Variants in BCAR3 observed in about 807,000 individuals in gnomAD.
BCAR3 encodes BCAR3 adaptor protein, NSP family member, also known as breast cancer anti-estrogen resistance protein 3.
BCAR3 carries 37 observed loss-of-function variants against 80.1 expected under a neutral mutation model. That is an observed-to-expected ratio of 0.46 (90% CI 0.36 to 0.61). The LOEUF (loss-of-function observed/expected upper bound fraction) is 0.61. Ranked by LOEUF, BCAR3 falls within the 20% of genes least tolerant of loss-of-function variation. The pLI is 0.00. For synonymous variants in BCAR3, 389 were observed against 418.9 expected (o/e 0.93, Z 0.87); for missense variants, 978 against 1,068.2 (o/e 0.92, Z 1.18).
intron 3 of BCAR3, among the ~76,000 whole-genome samples, chr1:93,692,994 ACATTGAAGGTTCACAGG>A (rs965401008): frequency 1.3e-5 from 2 of 152,186 alleles, no homozygotes; most frequent in African/African-American, 4.8e-5. Flanking sequence ...GCAGGAACCC[ACATTGAAGGTTCACAGG>A]TGTGTCCTAG....
intron 2 of BCAR3, among the ~76,000 whole-genome samples, chr1:93,643,576 A>G (rs1676062091): frequency 6.9e-6 from 1 of 145,590 alleles, no homozygotes; most frequent in Non-Finnish European, 1.5e-5. Context: ...AAAAAAAAAG[A>G]AATTTTTTTA....
intron 2 of BCAR3, among the ~76,000 whole-genome samples, chr1:93,820,785 C>G (rs887149843): frequency 1.3e-5 from 2 of 152,134 alleles, no homozygotes; most frequent in Non-Finnish European, 2.9e-5. Context: ...AGAGGTCAGA[C>G]GATGGGGCTG....
chr1:93,844,771 C>G (rs983842629), intron 2 of BCAR3, among the ~76,000 whole-genome samples: 1 of 149,710 alleles, frequency 6.7e-6, no homozygotes, highest in Non-Finnish European at 1.5e-5. Flanking sequence ...TGCAGTGGCG[C>G]GATCATAGCT....
intron 2 of BCAR3, among the ~76,000 whole-genome samples, chr1:93,752,528 A>T (rs1651594091): frequency 6.6e-6 from 1 of 152,254 alleles, no homozygotes; most frequent in Non-Finnish European, 1.5e-5. Context: ...TGTTATCAAT[A>T]ATAGGAAGTA....
At chr1:93,648,805 C>T (rs1399710102) in intron 2 of BCAR3, 1 of 152,528 alleles carries the variant, frequency 6.6e-6, no homozygotes, top group South Asian at 2.1e-4. Context: ...GCCAGTGGGT[C>T]TTGGTCCAAC....
At chr1:93,607,724 G>A (rs954456976) in intron 3 of BCAR3, among the ~76,000 whole-genome samples, 1 of 152,058 alleles carries the variant, frequency 6.6e-6, no homozygotes, top group Non-Finnish European at 1.5e-5. Context: ...TCCCTCTCCT[G>A]TGCCTTTTGT....
chr1:93,589,811 G>A (rs965957228), intron 4 of BCAR3, among the ~76,000 whole-genome samples: 2 of 152,208 alleles, frequency 1.3e-5, no homozygotes, highest in South Asian at 2.1e-4. Flanking sequence ...CCGGGGAGGG[G>A]ATGAGGGCTG....
At chr1:93,742,662 C>A (rs1651216720) in intron 2 of BCAR3, among the ~76,000 whole-genome samples, 1 of 152,188 alleles carries the variant, frequency 6.6e-6, no homozygotes, top group African/African-American at 2.4e-5. Flanking sequence ...CTTTCCCATG[C>A]TGAATTAGTC....
chr1:93,660,053 C>CGTGTGTGTGTGT (rs76729025), intron 2 of BCAR3, among the ~76,000 whole-genome samples: 6 of 147,236 alleles, frequency 4.1e-5, no homozygotes, highest in African/African-American at 1.5e-4. Context: ...AATAAATGAA[C>CGTGTGTGTGTGT]GTGTGTGTGT....
Position 93,591,272 on chromosome 1 carries a change from C to T in BCAR3, c.486+993G>A, listed in dbSNP as rs542521840. On this transcript the variant is annotated intron_variant, in intron 4 of 11. Transcript: ENST00000260502. ...GGTGGATCACTTGAGGGCAGGAGTT[C>T]GAGACCAGCCTGGCCAACATGGTGA... 5.4e-5 allele frequency among the ~76,000 whole-genome samples: 8 copies of T among 149,088 alleles called. No individual in the cohort carries two copies. The South Asian group carries it at 1.5e-3, about 28-fold the overall frequency.
chr1:93,760,903 A>C (rs1651921959), intron 2 of BCAR3, among the ~76,000 whole-genome samples: 1 of 152,138 alleles, frequency 6.6e-6, no homozygotes, highest in Non-Finnish European at 1.5e-5. Context: ...ATTTCATGGC[A>C]CCTTTGAGGC....
At chr1:93,582,242 C>A (rs1557843128) in intron 7 of BCAR3, 59 bp downstream of exon 7, 1 of 1,562,932 alleles carries the variant, frequency 6.4e-7, no homozygotes, top group Non-Finnish European at 8.7e-7. Context: ...AGCACCGGGA[C>A]CCCTAGCTCT....
intron 2 of BCAR3, among the ~76,000 whole-genome samples, chr1:93,653,186 T>G (rs1647208905): frequency 6.6e-6 from 1 of 152,276 alleles, no homozygotes; most frequent in Admixed American, 6.5e-5. Flanking sequence ...GTTTACTTCT[T>G]TAATTATTGA....
chr1:93,585,543 T>C lies in BCAR3; in HGVS notation c.930-1422A>G, dbSNP rs1025606066. ...CTTCCCTGCAGCAGTGGTTCTGTTA[T>C]CCTGCCGAATACACTCCCACTCTGT... On this transcript the variant is annotated intron_variant, in intron 5 of 11. Transcript: ENST00000260502. Among the ~76,000 whole-genome samples the C allele has an allele frequency of 3.9e-5, 6 of 152,228 alleles. 1 individual carries two copies. Among genetic ancestry groups the C allele is most frequent in the Admixed American group, 3.3e-4 (5 of 15,284 alleles).
chr1:93,689,987 A>C (rs944921156), intron 3 of BCAR3, among the ~76,000 whole-genome samples: 2 of 152,196 alleles, frequency 1.3e-5, no homozygotes, highest in East Asian at 3.8e-4. Context: ...ACATCCTAAA[A>C]TGCTCATGGC....
At chr1:93,633,606 C>T (rs1675690259) in intron 3 of BCAR3, among the ~76,000 whole-genome samples, 1 of 152,150 alleles carries the variant, frequency 6.6e-6, no homozygotes, top group African/African-American at 2.4e-5. Context: ...GGTGGCAGCA[C>T]TTAAGGACTG....
chr1:93,621,765 C>A (rs1675322552), intron 3 of BCAR3, among the ~76,000 whole-genome samples: 1 of 152,200 alleles, frequency 6.6e-6, no homozygotes. Context: ...CCCCTCCTCA[C>A]CACAGACTTC....
chr1:93,563,520 T>A (rs189816567), intron 11 of BCAR3, among the ~76,000 whole-genome samples: 1 of 152,190 alleles, frequency 6.6e-6, no homozygotes, highest in Admixed American at 6.5e-5. Context: ...TGTGTGGACA[T>A]GTGTTTTCAT....
intron 2 of BCAR3, among the ~76,000 whole-genome samples, chr1:93,839,513 A>G (rs1654884461): frequency 6.6e-6 from 1 of 152,172 alleles, no homozygotes; most frequent in Admixed American, 6.5e-5. Flanking sequence ...TTGGTACTCA[A>G]GTATGGTCAT....
Sources: allele counts gnomAD v4.1 joint callset (sites outside exome capture counted in the v4.1 genomes callset), GRCh38; gene constraint gnomAD v4.1.1; transcripts MANE v1.5; gene names NCBI Gene and HGNC (gene_info 2026-07-23, HGNC 2026-07-21).